The following TSPEAR variants were observed in gnomAD, a reference collection of about 807,000 sequenced individuals.
TSPEAR encodes thrombospondin type laminin G domain and EAR repeats, also known as thrombospondin-type laminin G domain and EAR repeat-containing protein.
A neutral mutation model predicts 71.6 loss-of-function variants in TSPEAR; 69 were observed. The ratio of observed to expected loss-of-function variants is 0.96; its 90% CI spans 0.79 to 1.18. TSPEAR has a LOEUF of 1.18. Among genes scored for constraint, TSPEAR ranks in the 50% most tolerant of loss-of-function variants. The pLI, the probability that TSPEAR is intolerant of heterozygous loss-of-function variation, is 0.00. For synonymous variants in TSPEAR, 402 were observed against 387.2 expected, an observed-to-expected ratio of 1.04 and a Z score of -0.45; for missense variants, 971 against 894.9, an observed-to-expected ratio of 1.09 and a Z score of -1.09.
intron 1 of TSPEAR, among the ~76,000 whole-genome samples, chr21:44,620,162 T>C (rs967983675): frequency 5.3e-5 from 8 of 152,258 alleles, no homozygotes; most frequent in Admixed American, 5.2e-4. Context: ...ATATTTAACA[T>C]GCTGGGTTTG....
At chr21:44,575,328 C>T in intron 1 of TSPEAR, 1 of 379,894 alleles carries the variant, frequency 2.6e-6, no homozygotes, top group Non-Finnish European at 5.0e-6. Flanking sequence ...CTTTGGACGC[C>T]CTCAAGCTGA....
chr21:44,681,447 G>A (rs755360282), intron 1 of TSPEAR: 10 of 176,094 alleles, frequency 5.7e-5, no homozygotes, highest in East Asian at 3.0e-4. Flanking sequence ...CCCTCCACCC[G>A]GGACACCACC....
rs1555950343 is a variant in TSPEAR, at chr21:44,695,446, C to G, written c.82+15987G>C. Among the ~76,000 whole-genome samples the G allele has an allele frequency of 6.6e-6, 1 of 152,130 alleles. No homozygotes were observed. The highest frequency in any genetic ancestry group is 2.4e-5 in the African/African-American group (1 of 41,418). On this transcript the variant is annotated intron_variant, in intron 1 of 11. Coordinates refer to ENST00000323084, the MANE Select transcript of TSPEAR (RefSeq NM_144991.3). The surrounding 1 kb of genome is among the most constrained non-coding windows in gnomAD (Gnocchi z 4.5). ...ACTCAGGCCAGAGGCATCAGCTGGT[C>G]CTCCCTCCCTTGGGCCTCTCCCTGG...
At chr21:44,618,806 G>A (rs1430351935) in intron 1 of TSPEAR, among the ~76,000 whole-genome samples, 2 of 152,164 alleles carry the variant, frequency 1.3e-5, no homozygotes, top group Non-Finnish European at 2.9e-5. Flanking sequence ...TGGAGGGTGT[G>A]TGTTACAACG....
At position 44,678,083 on chromosome 21, in the gene TSPEAR, G is replaced by A. The variant is rs1986407577; in HGVS notation, c.82+33350C>T. The A allele has an allele frequency of 4.5e-6, 3 of 665,456 alleles. No homozygotes were observed. The East Asian group carries it at 8.2e-5, about 18-fold the overall frequency. The allele number at this position is 665,456 out of a possible 1,614,324, so 41.2% of individuals were successfully genotyped here. A position where few individuals can be genotyped will look rare whatever the true frequency, so the allele number is the denominator to read the frequency against. ...ACACTCGATAACTGACAGGCCCGCAGTATCTGTCGAGCGGACGGTGCTGCT... is the reference window on the plus strand; with the variant it reads ...ACACTCGATAACTGACAGGCCCGCAATATCTGTCGAGCGGACGGTGCTGCT... On this transcript the variant is annotated intron_variant, in intron 1 of 11. Transcript: ENST00000323084.
intron 1 of TSPEAR, among the ~76,000 whole-genome samples, chr21:44,652,368 T>C (rs1984859844): frequency 6.6e-6 from 1 of 152,194 alleles, no homozygotes; most frequent in African/African-American, 2.4e-5. Flanking sequence ...CAGGGACGTC[T>C]GGAACACTGC....
At position 44,590,200 on chromosome 21, in the gene TSPEAR, G is replaced by A. The variant is rs145178776; in HGVS notation, c.83-22195C>T. Among the ~76,000 whole-genome samples the A allele has an allele frequency of 9.6e-4, 147 of 152,388 alleles. 2 individuals carry two copies. Among genetic ancestry groups the A allele is most frequent in the African/African-American group, 3.2e-3 (133 of 41,598 alleles). ...ATGCAAGGGTCATTTGCTGGGGCAG[G>A]AGGCAGACCTGGGCTCTCAAATGCA... is the stretch of plus-strand genomic sequence containing the variant. On this transcript the variant is annotated intron_variant, in intron 1 of 11. Transcript: ENST00000323084.
intron 2 of TSPEAR, among the ~76,000 whole-genome samples, chr21:44,552,741 C>A (rs1555919260): frequency 6.6e-6 from 1 of 152,214 alleles, no homozygotes; most frequent in African/African-American, 2.4e-5. Context: ...CTCACAGCCC[C>A]CAACAGCCCC....
In TSPEAR at chr21:44,524,301, A is replaced by G. The variant is rs587737595; in HGVS notation, c.1336+1352T>C. On this transcript the variant is annotated intron_variant, in intron 8 of 11. Transcript: ENST00000323084. ...TAGTTAGTCAACTAATCATTCAGTC[A>G]GTCAGACAGTCAGGTAGTTAGTCAG... is the stretch of plus-strand genomic sequence containing the variant. 4.6e-3 allele frequency among the ~76,000 whole-genome samples: 705 copies of G among 152,220 alleles called. 4 individuals are homozygous for G. The highest frequency in any genetic ancestry group is 7.1e-3 in the Non-Finnish European group (484 of 68,008).
chr21:44,644,133 C>T (rs1345173497), intron 1 of TSPEAR, among the ~76,000 whole-genome samples: 2 of 152,160 alleles, frequency 1.3e-5, no homozygotes, highest in African/African-American at 2.4e-5. Context: ...AGAGTGTCTG[C>T]TTGATTTAAG....
intron 2 of TSPEAR, among the ~76,000 whole-genome samples, chr21:44,537,388 T>C (rs1411067243): frequency 3.3e-5 from 5 of 152,204 alleles, no homozygotes; most frequent in Non-Finnish European, 5.9e-5. Flanking sequence ...GGCACCTTCT[T>C]TATGAGCTGT....
chr21:44,591,697 G>A (rs1555926606), intron 1 of TSPEAR: 8 of 1,577,250 alleles, frequency 5.1e-6, no homozygotes, highest in African/African-American at 1.4e-5. Context: ...GCAGGGGGAG[G>A]AGGTGCAGCA....
At chr21:44,503,225 G>GGCTGGCCTTGGTGAGCCCTCGGGGGGGAA (rs1569147671) in intron 11 of TSPEAR, among the ~76,000 whole-genome samples, 1 of 122,502 alleles carries the variant, frequency 8.2e-6, no homozygotes, top group African/African-American at 3.5e-5. Context: ...GCTGGGAGGA[G>GGCTGGCCTTGGTGAGCCCTCGGGGGGGAA]GCCGGCCTTG....
intron 1 of TSPEAR, chr21:44,575,091 A>C (rs1555923748): frequency 2.2e-6 from 3 of 1,373,014 alleles, no homozygotes; most frequent in African/African-American, 2.9e-5. Flanking sequence ...TCGCGTCCTG[A>C]ATTGCTCCTG....
At position 44,549,034 on chromosome 21, in the gene TSPEAR, G is replaced by A. The variant is rs370457106; in HGVS notation, c.304-15111C>T. On this transcript the variant is annotated intron_variant, in intron 2 of 11. Coordinates refer to ENST00000323084, the MANE Select transcript of TSPEAR (RefSeq NM_144991.3). Reference sequence around the variant, plus strand: ...TGCCTCTCACGTGGCCGGTTGCCACGAGAGCACACAGAACAAAGGAGAGTG... The same window carrying A: ...TGCCTCTCACGTGGCCGGTTGCCACAAGAGCACACAGAACAAAGGAGAGTG... 1.2e-3 allele frequency among the ~76,000 whole-genome samples: 187 copies of A among 152,348 alleles called. 1 individual carries two copies. Among genetic ancestry groups the A allele is most frequent in the Non-Finnish European group, 1.9e-3 (130 of 68,036 alleles).
chr21:44,676,011 G>C, intron 1 of TSPEAR: 1 of 838,900 alleles, frequency 1.2e-6, no homozygotes, highest in Non-Finnish European at 2.1e-6. Context: ...CCCTTCAGCT[G>C]ATTGACAAAT....
intron 1 of TSPEAR, among the ~76,000 whole-genome samples, chr21:44,694,238 A>G (rs1987236130): frequency 6.6e-6 from 1 of 152,276 alleles, no homozygotes; most frequent in East Asian, 1.9e-4. Flanking sequence ...CATAAAAATG[A>G]AAGAAGTCCT....
Position 44,525,721 on chromosome 21 carries a change from C to T in TSPEAR, c.1268G>A (p.Ser423Asn), listed in dbSNP as rs782171421. 1 of 1,614,194 alleles carries T rather than the reference C, an allele frequency of 6.2e-7. No individual in the cohort carries two copies. Among genetic ancestry groups the T allele is most frequent in the South Asian group, 1.1e-5 (1 of 91,080 alleles). ...FTPYQSIATH[S>N]ARDWEAFEVD... ...CTCGAAGGCCTCCCAGTCTCGGGCG[C>T]TGTGTGTGGCAATGCTCTGATATGG... is the stretch of plus-strand genomic sequence containing the variant. Residue 423 changes from serine (S) to asparagine (N), a missense_variant, in exon 8 of 12, where the codon AGC (serine) becomes AAC (asparagine). Coordinates refer to ENST00000323084, the MANE Select transcript of TSPEAR (RefSeq NM_144991.3).
At chr21:44,603,951 G>T (rs1200381939) in intron 1 of TSPEAR, among the ~76,000 whole-genome samples, 1 of 152,248 alleles carries the variant, frequency 6.6e-6, no homozygotes, top group Non-Finnish European at 1.5e-5. Context: ...GAAGCCACCT[G>T]TGGGGCATCA....
Sources: allele counts gnomAD v4.1 joint callset (sites outside exome capture counted in the v4.1 genomes callset), GRCh38; gene constraint gnomAD v4.1.1; non-coding constraint Gnocchi (gnomAD v3.1); transcripts MANE v1.5; gene names NCBI Gene and HGNC (gene_info 2026-07-23, HGNC 2026-07-21).